PKIB: variants seen among roughly 807,000 people sequenced by gnomAD.
PKIB encodes the protein PKI-beta.
In PKIB, 2 loss-of-function variants were observed where a neutral mutation model predicts 4.5. The observed-to-expected ratio is 0.44, with a 90% CI of 0.18 to 1.39. The LOEUF (loss-of-function observed/expected upper bound fraction) is 1.39. PKIB is among the 40% of genes most tolerant of loss of function. PKIB has a pLI of 0.27. For missense variants in PKIB, 94 were observed against 92.6 expected (o/e 1.02, Z -0.06); for synonymous variants, 38 against 36.0 (o/e 1.06, Z -0.20).
chr6:122,621,293 C>T (rs560914345), intron 1 of PKIB, among the ~76,000 whole-genome samples: 4 of 152,158 alleles, frequency 2.6e-5, no homozygotes, highest in South Asian at 4.2e-4. Context: ...CTAGGAGTAC[C>T]GTTCCCTAAT....
In PKIB at chr6:122,539,586, G is replaced by A. The variant is rs1477687966; in HGVS notation, c.-247-46335G>A. ...ATGTGCTGCTGAATTCGGTTTGCCA[G>A]TATTTTATTGAGATTGTTGCATCAA... On this transcript the variant is annotated intron_variant, in intron 2 of 6. Transcript: ENST00000392491. Among the ~76,000 whole-genome samples, 3 of 152,222 alleles carry A rather than the reference G, an allele frequency of 2.0e-5. No individual in the cohort carries two copies. The East Asian group carries it at 5.8e-4, about 29-fold the overall frequency.
At position 122,476,522 on chromosome 6, in the gene PKIB, TTTC is replaced by T. The variant is rs1199487092; in HGVS notation, c.-336-1326_-336-1324del. Among the ~76,000 whole-genome samples the T allele has an allele frequency of 4.6e-5, 7 of 152,292 alleles. No individual in the cohort carries two copies. The Middle Eastern group carries it at 0.01, about 222-fold the overall frequency. ...TGAACAATATTCTTTCCACACAGAT[TTTC>T]TTATTTTGCTGAAATCTAAGCCTAT... On this transcript the variant is annotated intron_variant, in intron 1 of 6. Coordinates refer to the PKIB transcript ENST00000392491.
chr6:122,564,258 G>A (rs1175681125), intron 2 of PKIB, among the ~76,000 whole-genome samples: 2 of 152,134 alleles, frequency 1.3e-5, no homozygotes, highest in African/African-American at 2.4e-5. Flanking sequence ...CGGGATTGCT[G>A]GTTTGTTCTT....
chr6:122,658,242 A>G (rs1776850123), intron 2 of PKIB, among the ~76,000 whole-genome samples: 1 of 152,324 alleles, frequency 6.6e-6, no homozygotes, highest in Non-Finnish European at 1.5e-5. Flanking sequence ...CAAGTCATGT[A>G]TATTATTCCT....
intron 3 of PKIB, among the ~76,000 whole-genome samples, chr6:122,589,266 A>G (rs996673552): frequency 2.0e-5 from 3 of 152,206 alleles, no homozygotes; most frequent in Non-Finnish European, 4.4e-5. Context: ...ATGAAATACT[A>G]TGCAACAATT....
At chr6:122,695,968 A>G (rs1381901540) in intron 3 of PKIB, among the ~76,000 whole-genome samples, 1 of 152,178 alleles carries the variant, frequency 6.6e-6, no homozygotes, top group Non-Finnish European at 1.5e-5. Flanking sequence ...TAAGGGCCCA[A>G]TTAAGAGTAG....
At chr6:122,497,684 A>T (rs532647565) in intron 2 of PKIB, among the ~76,000 whole-genome samples, 4 of 152,250 alleles carry the variant, frequency 2.6e-5, no homozygotes, top group African/African-American at 9.6e-5. Flanking sequence ...AAATATATAC[A>T]TAATCAACAA....
At chr6:122,650,597 T>C (rs1265877280) in intron 2 of PKIB, among the ~76,000 whole-genome samples, 1 of 152,182 alleles carries the variant, frequency 6.6e-6, no homozygotes, top group Non-Finnish European at 1.5e-5. Flanking sequence ...CTTTGATGAT[T>C]AAGGCTGCCT....
At chr6:122,517,973 T>A (rs1776813924) in intron 2 of PKIB, among the ~76,000 whole-genome samples, 1 of 152,206 alleles carries the variant, frequency 6.6e-6, no homozygotes, top group Non-Finnish European at 1.5e-5. Flanking sequence ...ACCTTAAAAT[T>A]AGTCATATTT....
At chr6:122,619,248 C>T (rs1391925350) in intron 1 of PKIB, among the ~76,000 whole-genome samples, 2 of 152,030 alleles carry the variant, frequency 1.3e-5, no homozygotes, top group Admixed American at 6.6e-5. Flanking sequence ...TCTATTCTCA[C>T]GTAGTTTGTG....
Position 122,678,180 on chromosome 6 carries a change from G to A in PKIB, c.-9+3036G>A, listed in dbSNP as rs1027485199. ...CCCAAAGTGCTGGGATTACAGGCAT[G>A]AGCAAAACCAGCTTTTCTAGTGCTG... On this transcript the variant is annotated intron_variant, in intron 3 of 4. Transcript: ENST00000368452. 7.2e-5 allele frequency among the ~76,000 whole-genome samples: 11 copies of A among 152,286 alleles called. No homozygotes were observed. In the East Asian group the frequency reaches 1.7e-3, roughly 24 times the overall value.
chr6:122,562,810 G>T (rs548501141), intron 2 of PKIB, among the ~76,000 whole-genome samples: 78 of 151,740 alleles, frequency 5.1e-4, no homozygotes, highest in South Asian at 4.2e-3. Flanking sequence ...CTGAATTTTT[G>T]ATTGTTTTTT....
At chr6:122,578,002 T>G (rs1026037224) in intron 2 of PKIB, among the ~76,000 whole-genome samples, 3 of 151,196 alleles carry the variant, frequency 2.0e-5, no homozygotes, top group Non-Finnish European at 3.0e-5. Context: ...TTAGAGGAGT[T>G]TTTTTTTTGT....
intron 2 of PKIB, among the ~76,000 whole-genome samples, chr6:122,537,897 A>G (rs199547426): frequency 0.057 from 8,675 of 151,084 alleles, 892 homozygotes; most frequent in East Asian, 0.27. Context: ...GTATCTCATT[A>G]TGGTTTTGAT....
intron 2 of PKIB, among the ~76,000 whole-genome samples, chr6:122,637,539 G>A (rs191496267): frequency 1.9e-4 from 29 of 152,078 alleles, no homozygotes; most frequent in African/African-American, 6.7e-4. Context: ...GGTGGATCAC[G>A]AGGTCAGGAG....
At chr6:122,684,879 TAAG>T (rs546241575) in intron 3 of PKIB, among the ~76,000 whole-genome samples, 87 of 152,220 alleles carry the variant, frequency 5.7e-4, no homozygotes, top group African/African-American at 1.8e-3. Context: ...AGTTGTAAAA[TAAG>T]AAAAATAAAC....
intron 2 of PKIB, among the ~76,000 whole-genome samples, chr6:122,498,201 C>T (rs925289491): frequency 1.3e-5 from 2 of 152,192 alleles, no homozygotes; most frequent in African/African-American, 4.8e-5. Context: ...TACAGTTCCA[C>T]GTGGCTTGGG....
At chr6:122,479,112 G>A (rs1172318438) in intron 2 of PKIB, 1 of 152,138 alleles carries the variant, frequency 6.6e-6, no homozygotes, top group East Asian at 1.9e-4. Context: ...GATGAGCTGG[G>A]TACCTCAGTT....
chr6:122,701,940 G>A (rs117068864), intron 3 of PKIB, among the ~76,000 whole-genome samples: 2 of 152,270 alleles, frequency 1.3e-5, no homozygotes, highest in East Asian at 3.9e-4. Context: ...ACCAGGGGCT[G>A]TGGGAGTAAT....
Sources: gnomAD v4.1 joint callset for allele counts (sites outside exome capture counted in the v4.1 genomes callset) on GRCh38, gnomAD v4.1.1 for gene constraint, MANE v1.5 for transcripts, NCBI Gene and HGNC (gene_info 2026-07-23, HGNC 2026-07-21) for gene names.